The following ADGRB3 variants were observed in gnomAD, a reference collection of about 807,000 sequenced individuals.
ADGRB3 encodes the protein adhesion G protein-coupled receptor B3, also known as brain-specific angiogenesis inhibitor 3.
Under a neutral mutation model 193.4 loss-of-function variants are expected in ADGRB3, and 37 were observed. The ratio of observed to expected loss-of-function variants is 0.19; its 90% CI spans 0.15 to 0.25. ADGRB3 has a LOEUF of 0.25. Among genes scored for constraint, ADGRB3 ranks in the 10% least tolerant of loss-of-function variants. The probability of loss-of-function intolerance (pLI) is 1.00; values close to 1 mark genes in which losing one functional copy is unlikely to be tolerated. For missense variants in ADGRB3, 1,637 were observed against 1,852.9 expected (o/e 0.88, Z 2.14); for synonymous variants, 690 against 644.2 (o/e 1.07, Z -1.08).
At chr6:69,075,769 G>T (rs1562148457) in intron 16 of ADGRB3, among the ~76,000 whole-genome samples, 1 of 152,098 alleles carries the variant, frequency 6.6e-6, no homozygotes, top group Non-Finnish European at 1.5e-5. Flanking sequence ...ATACAAGTTA[G>T]AGTATTTGGA....
At chr6:69,222,978 T>G (rs1305103542) in intron 17 of ADGRB3, among the ~76,000 whole-genome samples, 1 of 152,088 alleles carries the variant, frequency 6.6e-6, no homozygotes, top group Non-Finnish European at 1.5e-5. Context: ...GTTTTTCATA[T>G]TTCTTTATTT....
chr6:68,887,067 A>ATG (rs1348625513), intron 3 of ADGRB3, among the ~76,000 whole-genome samples: 2 of 140,138 alleles, frequency 1.4e-5, no homozygotes, highest in Admixed American at 7.4e-5. Context: ...AAATATATAT[A>ATG]TATACACACA....
chr6:68,870,410 G>A (rs562883782), intron 3 of ADGRB3, among the ~76,000 whole-genome samples: 7 of 152,238 alleles, frequency 4.6e-5, no homozygotes, highest in African/African-American at 1.7e-4. Context: ...AAATCAAGAG[G>A]AGCTTGGAAA....
At chr6:69,255,633 T>G (rs1314625565) in intron 20 of ADGRB3, among the ~76,000 whole-genome samples, 1 of 152,194 alleles carries the variant, frequency 6.6e-6, no homozygotes, top group African/African-American at 2.4e-5. Context: ...TTGCAAAAAT[T>G]TTCTCCCATT....
At chr6:68,657,099 A>G (rs1768507653) in intron 3 of ADGRB3, among the ~76,000 whole-genome samples, 1 of 151,486 alleles carries the variant, frequency 6.6e-6, no homozygotes, top group Non-Finnish European at 1.5e-5. Context: ...GTTGCTTTAT[A>G]ATAGGCTTCC....
intron 3 of ADGRB3, among the ~76,000 whole-genome samples, chr6:68,749,344 C>CT (rs1766147097): frequency 1.3e-5 from 2 of 151,452 alleles, no homozygotes; most frequent in South Asian, 4.2e-4. Context: ...TGCAGGCAGC[C>CT]TATTGTGGGA....
rs540255060 is a variant in ADGRB3, at chr6:69,195,019, G to A, written c.2481-38271G>A. On this transcript the variant is annotated intron_variant, in intron 17 of 31. Transcript: ENST00000370598. ...GTGTGTTTGTAAAGAAGTTTGAGTC[G>A]GCAGATACTTTGGTCTTGCTATTTA... 5.4e-4 allele frequency among the ~76,000 whole-genome samples: 82 copies of A among 152,160 alleles called. 1 individual carries two copies. The highest frequency in any genetic ancestry group is 3.4e-3 in the Middle Eastern group (1 of 294).
chr6:69,306,113 C>G (rs929163514), intron 20 of ADGRB3, among the ~76,000 whole-genome samples: 9 of 151,358 alleles, frequency 5.9e-5, no homozygotes, highest in African/African-American at 9.8e-5. Flanking sequence ...GGTTCAGTAA[C>G]CAATCCTTCA....
intron 3 of ADGRB3, among the ~76,000 whole-genome samples, chr6:68,878,834 G>C (rs565636962): frequency 6.6e-6 from 1 of 152,318 alleles, no homozygotes; most frequent in East Asian, 1.9e-4. Context: ...AATCATGATG[G>C]AAGGCAAAGA....
At chr6:69,253,714 T>A (rs535636597) in intron 20 of ADGRB3, among the ~76,000 whole-genome samples, 2 of 152,158 alleles carry the variant, frequency 1.3e-5, no homozygotes, top group Non-Finnish European at 2.9e-5. Context: ...CTTTTGGATA[T>A]TTTATGTGAT....
chr6:68,748,772 C>T (rs1034895127), intron 3 of ADGRB3, among the ~76,000 whole-genome samples: 8 of 152,196 alleles, frequency 5.3e-5, no homozygotes, highest in African/African-American at 1.9e-4. Context: ...CCCACATTTC[C>T]CTTCCACAAT....
At chr6:68,783,727 T>C (rs1766905188) in intron 3 of ADGRB3, among the ~76,000 whole-genome samples, 1 of 151,912 alleles carries the variant, frequency 6.6e-6, no homozygotes, top group Non-Finnish European at 1.5e-5. Flanking sequence ...TGGGAAGCTG[T>C]TGATGATGGT....
At chr6:68,673,228 T>A (rs1006222009) in intron 3 of ADGRB3, among the ~76,000 whole-genome samples, 1 of 152,088 alleles carries the variant, frequency 6.6e-6, no homozygotes, top group Non-Finnish European at 1.5e-5. Context: ...TTCCCTCATT[T>A]CCCTTTCTGA....
chr6:68,774,046 C>T (rs1766690797), intron 3 of ADGRB3, among the ~76,000 whole-genome samples: 1 of 152,040 alleles, frequency 6.6e-6, no homozygotes. Context: ...TGTAAAATTA[C>T]ATGCAATGTA....
Position 68,635,570 on chromosome 6 carries a change from C to A in ADGRB3, c.-618C>A. 6.5e-6 allele frequency: 1 copy of A among 154,968 alleles called. No individual in the cohort carries two copies. The highest frequency in any genetic ancestry group is 1.4e-5 in the Non-Finnish European group (1 of 70,258). 9.6% of individuals were successfully genotyped at this position (154,968 alleles called of 1,614,324 possible). Reference sequence around the variant, plus strand: ...TCTGCCATAGCAGCCGCCGCCGCCGCCGGTCACTTCTCGTCTCAGCGCTTT... The same window carrying A: ...TCTGCCATAGCAGCCGCCGCCGCCGACGGTCACTTCTCGTCTCAGCGCTTT... On this transcript the variant is annotated 5_prime_UTR_variant, in exon 1 of 32. Transcript: ENST00000370598.
chr6:68,664,768 C>T (rs563088958), intron 3 of ADGRB3, among the ~76,000 whole-genome samples: 16 of 151,894 alleles, frequency 1.1e-4, no homozygotes, highest in African/African-American at 3.9e-4. Flanking sequence ...TGAACCCAGG[C>T]TGTCTCCAGA....
At chr6:69,078,889 A>C (rs1480947588) in intron 17 of ADGRB3, among the ~76,000 whole-genome samples, 1 of 152,092 alleles carries the variant, frequency 6.6e-6, no homozygotes, top group Non-Finnish European at 1.5e-5. Context: ...CTATACCTGC[A>C]TATAAGATAC....
intron 20 of ADGRB3, among the ~76,000 whole-genome samples, chr6:69,265,229 T>C (rs945793089): frequency 4.6e-5 from 7 of 151,914 alleles, no homozygotes; most frequent in African/African-American, 1.7e-4. Flanking sequence ...GTAGTAAAAA[T>C]TGTCACAAGT....
At chr6:68,971,062 G>A (rs964693879) in intron 8 of ADGRB3, among the ~76,000 whole-genome samples, 1 of 152,144 alleles carries the variant, frequency 6.6e-6, no homozygotes, top group African/African-American at 2.4e-5. Flanking sequence ...TCAGAAACTG[G>A]CTACGCCAGC....
Sources: gnomAD v4.1 joint callset for allele counts (sites outside exome capture counted in the v4.1 genomes callset) on GRCh38, gnomAD v4.1.1 for gene constraint, MANE v1.5 for transcripts, NCBI Gene and HGNC (gene_info 2026-07-23, HGNC 2026-07-21) for gene names.